NAA60: variants seen among roughly 807,000 people sequenced by gnomAD.
NAA60 encodes N-alpha-acetyltransferase 60.
In NAA60, 8 loss-of-function variants were observed where a neutral mutation model predicts 26.1. The ratio of observed to expected loss-of-function variants is 0.31; its 90% CI spans 0.18 to 0.55. The LOEUF is 0.55. Among genes scored for constraint, NAA60 ranks in the 20% least tolerant of loss-of-function variants. NAA60 has a pLI of 0.93. For missense variants in NAA60, 290 were observed against 311.3 expected (o/e 0.93, Z 0.51); for synonymous variants, 131 against 122.5 (o/e 1.07, Z -0.46).
chr16:3,462,061 G>A (rs949070014), intron 2 of NAA60, among the ~76,000 whole-genome samples: 6 of 133,898 alleles, frequency 4.5e-5, no homozygotes, highest in East Asian at 2.2e-4. Flanking sequence ...CATTCCAGCC[G>A]GAGTGATAGA....
At chr16:3,461,777 G>A (rs983396686) in intron 2 of NAA60, among the ~76,000 whole-genome samples, 2 of 152,240 alleles carry the variant, frequency 1.3e-5, no homozygotes, top group South Asian at 2.1e-4. Context: ...ACAAAAGAAA[G>A]GCATTTTCTC....
In NAA60 at chr16:3,461,693, A is replaced by G. The variant is rs186263299; in HGVS notation, c.-7+13153A>G. Reference sequence around the variant, plus strand: ...TTCTAAACAAAGATTTAAAGTTGCAATGAAGAGGAGGTGGTTGTGGACAGA... The same window carrying G: ...TTCTAAACAAAGATTTAAAGTTGCAGTGAAGAGGAGGTGGTTGTGGACAGA... On this transcript the variant is annotated intron_variant, in intron 2 of 7. Transcript: ENST00000407558. 3.1e-4 allele frequency among the ~76,000 whole-genome samples: 47 copies of G among 152,322 alleles called. No homozygotes were observed. The East Asian group carries it at 5.8e-3, about 19-fold the overall frequency.
chr16:3,484,278 CT>C (rs2037035098), intron 6 of NAA60, among the ~76,000 whole-genome samples: 1 of 152,166 alleles, frequency 6.6e-6, no homozygotes, highest in South Asian at 2.1e-4. Flanking sequence ...GGCCGTCTAG[CT>C]TATGTGAAGA....
Position 3,449,818 on chromosome 16 carries a change from C to T in NAA60, c.-7+1278C>T, listed in dbSNP as rs148231908. Among the ~76,000 whole-genome samples, 432 of 152,224 alleles carry T rather than the reference C, an allele frequency of 2.8e-3. 2 individuals are homozygous for T. The highest frequency in any genetic ancestry group is 6.8e-3 in the Middle Eastern group (2 of 294). On this transcript the variant is annotated intron_variant, in intron 2 of 7. Transcript: ENST00000407558. ...TTCTCATGATAGTGAATAAGTCTCA[C>T]GAGATCTAATGGTTTTTAAAAAGGG... is the stretch of plus-strand genomic sequence containing the variant.
intron 5 of NAA60, 23 bp downstream of exon 5, chr16:3,482,621 C>T: frequency 6.5e-7 from 1 of 1,549,242 alleles, no homozygotes; most frequent in East Asian, 2.4e-5. Flanking sequence ...GGGCCCGCGG[C>T]TTGGCGCCCA....
At chr16:3,447,892 G>A (rs753706398) in intron 1 of NAA60, among the ~76,000 whole-genome samples, 3 of 152,092 alleles carry the variant, frequency 2.0e-5, no homozygotes, top group Admixed American at 1.3e-4. Context: ...GGCTCTAAAC[G>A]TACCTTCAAC....
chr16:3,476,716 A>G (rs968541303), intron 3 of NAA60, among the ~76,000 whole-genome samples: 3 of 152,234 alleles, frequency 2.0e-5, no homozygotes, highest in Non-Finnish European at 4.4e-5. Flanking sequence ...CAGCCGGGAA[A>G]AAAAAACCTG....
chr16:3,467,569 G>C (rs2150982369), intron 2 of NAA60: 1 of 152,398 alleles, frequency 6.6e-6, no homozygotes, highest in South Asian at 2.1e-4. Flanking sequence ...AAACAGGGTT[G>C]TTTTTGGCTT....
chr16:3,481,817 G>A (rs1293188551), intron 4 of NAA60, among the ~76,000 whole-genome samples: 6 of 152,220 alleles, frequency 3.9e-5, no homozygotes, highest in African/African-American at 1.4e-4. Flanking sequence ...GGCTGGGAGA[G>A]CAGGGAGCCT....
Position 3,482,486 on chromosome 16 carries a change from C to T in NAA60, c.241-16C>T, listed in dbSNP as rs1372307175. On this transcript the variant is annotated splice_polypyrimidine_tract_variant and intron_variant, in intron 4 of 7. Transcript: ENST00000407558. ...CAGACGTGTGAGCCTGACTTTCTCT[C>T]TGACTCTTCCTCTAGGATGGAGATA... 1 of 1,579,306 alleles carries T rather than the reference C, an allele frequency of 6.3e-7. No homozygotes were observed. Among genetic ancestry groups the T allele is most frequent in the Admixed American group, 1.8e-5 (1 of 55,756 alleles).
At chr16:3,453,176 T>A (rs2034852069) in intron 2 of NAA60, among the ~76,000 whole-genome samples, 1 of 152,064 alleles carries the variant, frequency 6.6e-6, no homozygotes, top group African/African-American at 2.4e-5. Flanking sequence ...GCAGGCAGAT[T>A]GCCTGAGCTC....
At chr16:3,478,728 A>C (rs1223462668) in intron 3 of NAA60, among the ~76,000 whole-genome samples, 1 of 152,060 alleles carries the variant, frequency 6.6e-6, no homozygotes, top group Non-Finnish European at 1.5e-5. Flanking sequence ...TTGTAAACTC[A>C]AACGCCTGTC....
At chr16:3,476,089 GC>G (rs2036463598) in intron 2 of NAA60, 132 bp from the exon 3 acceptor site, 1 of 632,440 alleles carries the variant, frequency 1.6e-6, no homozygotes, top group Admixed American at 2.9e-5. Context: ...AGAGGCAGAG[GC>G]CTCTGAGTGC....
At chr16:3,471,660 C>A (rs568197006) in intron 2 of NAA60, among the ~76,000 whole-genome samples, 1 of 152,130 alleles carries the variant, frequency 6.6e-6, no homozygotes, top group African/African-American at 2.4e-5. Flanking sequence ...CGGGCTGTAC[C>A]GGCTGGTTTC....
At chr16:3,473,473 G>GA (rs1219917354) in intron 2 of NAA60, among the ~76,000 whole-genome samples, 2 of 152,144 alleles carry the variant, frequency 1.3e-5, no homozygotes, top group African/African-American at 4.8e-5. Context: ...CAGTATGGGC[G>GA]AAACTGCTCC....
intron 2 of NAA60, among the ~76,000 whole-genome samples, chr16:3,462,243 AACT>A (rs2035459266): frequency 6.6e-6 from 1 of 152,146 alleles, no homozygotes; most frequent in Non-Finnish European, 1.5e-5. Context: ...TCTTGAAAAC[AACT>A]AACTATTGAA....
intron 4 of NAA60, among the ~76,000 whole-genome samples, chr16:3,482,028 G>A (rs1234414109): frequency 1.3e-5 from 2 of 152,084 alleles, no homozygotes; most frequent in Non-Finnish European, 2.9e-5. Context: ...GGGGTTGGAC[G>A]GCCGCCCAAG....
At chr16:3,444,220 T>G (rs575405283) in intron 1 of NAA60, among the ~76,000 whole-genome samples, 3 of 152,192 alleles carry the variant, frequency 2.0e-5, no homozygotes, top group African/African-American at 7.2e-5. Context: ...CATTTCCTAT[T>G]GTGTGCTGGG....
intron 2 of NAA60, chr16:3,458,018 C>CGGGA: frequency 1.0e-6 from 1 of 985,330 alleles, no homozygotes; most frequent in Non-Finnish European, 1.2e-6. Context: ...CGGCAGGGAG[C>CGGGA]GGGAGGCGGA....
Sources: allele counts gnomAD v4.1 joint callset (sites outside exome capture counted in the v4.1 genomes callset), GRCh38; gene constraint gnomAD v4.1.1; transcripts MANE v1.5; gene names NCBI Gene and HGNC (gene_info 2026-07-23, HGNC 2026-07-21).